HLA-DRB1: variants seen among roughly 807,000 people sequenced by gnomAD.
HLA-DRB1 encodes the protein major histocompatibility complex, class II, DR beta 1.
In HLA-DRB1, 10 loss-of-function variants were observed where a neutral mutation model predicts 27.9. The observed-to-expected ratio is 0.36, with a 90% CI of 0.22 to 0.61. HLA-DRB1 has a LOEUF of 0.61. Ranked by LOEUF, HLA-DRB1 falls within the 20% of genes least tolerant of loss-of-function variation. The pLI, the probability that HLA-DRB1 is intolerant of heterozygous loss-of-function variation, is 0.73. For missense variants in HLA-DRB1, 118 were observed against 306.3 expected (o/e 0.39, Z 4.59); for synonymous variants, 57 against 126.7 (o/e 0.45, Z 3.69).
rs28366196 is a variant in HLA-DRB1, at chr6:32,589,122, G to A, written c.100+521C>T. Among the ~76,000 whole-genome samples the A allele has an allele frequency of 3.2e-3, 405 of 126,226 alleles. No homozygotes were observed. In the East Asian group the frequency reaches 0.033, roughly 10 times the overall value. 82.8% of individuals were successfully genotyped at this position (126,226 alleles called of 152,430 possible). A position where few individuals can be genotyped will look rare whatever the true frequency, so the allele number is the denominator to read the frequency against. ...CAGGGATACAGGCCTTATAAACATT[G>A]GAGTTCAGCAAGAAAAGAAAGGAGA... On this transcript the variant is annotated intron_variant, in intron 1 of 5. Transcript: ENST00000360004.
intron 4 of HLA-DRB1, 104 bp from the exon 5 acceptor site, chr6:32,580,374 A>G: frequency 1.9e-6 from 1 of 536,374 alleles, no homozygotes; most frequent in Non-Finnish European, 3.3e-6. Context: ...TTTCTCTAAC[A>G]CCACAACCCA....
chr6:32,589,352 T>A (rs1581827204), intron 1 of HLA-DRB1, among the ~76,000 whole-genome samples: 2 of 145,896 alleles, frequency 1.4e-5, no homozygotes, highest in Non-Finnish European at 3.0e-5. Flanking sequence ...TATTTTAGAA[T>A]CCTTATTTCT....
At position 32,581,093 on chromosome 6, in the gene HLA-DRB1, C is replaced by A. The variant is rs34194375; in HGVS notation, c.653-237G>T. ...TAAGGCACAAGTTCAACATCTGATC[C>A]ACAGAAAGCCTGAGACTCAATGAGG... On this transcript the variant is annotated intron_variant, in intron 3 of 5. Transcript: ENST00000360004. Among the ~76,000 whole-genome samples the A allele has an allele frequency of 0.23, 17,713 of 76,462 alleles. 3,361 individuals are homozygous for A. The highest frequency in any genetic ancestry group is 0.23 in the Non-Finnish European group (8,327 of 35,574). 50.2% of individuals were successfully genotyped at this position (76,462 alleles called of 152,430 possible).
At chr6:32,581,902 G>GTC in intron 2 of HLA-DRB1, 64 bp from the exon 3 acceptor site, 1 of 807,278 alleles carries the variant, frequency 1.2e-6, no homozygotes, top group East Asian at 2.8e-5. Context: ...TGGTTTGGCT[G>GTC]TGTGTCTGCT....
intron 1 of HLA-DRB1, 50 bp downstream of exon 1, chr6:32,589,592 TC>T: frequency 1.8e-6 from 1 of 545,736 alleles, no homozygotes. Flanking sequence ...TTAACAAAAC[TC>T]CCTATTTTCC....
At chr6:32,582,864 AACT>A (rs150012197) in intron 2 of HLA-DRB1, among the ~76,000 whole-genome samples, 54,387 of 100,666 alleles carry the variant, frequency 0.54, 13,828 homozygotes, top group Middle Eastern at 0.64. Context: ...CAATAAATAC[AACT>A]ATTTTTTTAG....
Position 32,581,959 on chromosome 6 carries a change from T to C in HLA-DRB1, c.371-121A>G, listed in dbSNP as rs1775599386. On this transcript the variant is annotated intron_variant, in intron 2 of 5. Coordinates refer to ENST00000360004, the Ensembl canonical transcript of HLA-DRB1. The stretch of plus-strand genomic sequence containing the variant: ...GCCTTGACCAGGCCTATAGCACAGC[T>C]GGCCATGTGACCTTACAGTGTCATC... 2 of 591,864 alleles carry C rather than the reference T, an allele frequency of 3.4e-6. 1 individual carries two copies. Among genetic ancestry groups the C allele is most frequent in the Non-Finnish European group, 5.9e-6 (2 of 338,042 alleles). 36.7% of individuals were successfully genotyped at this position (591,864 alleles called of 1,614,324 possible). A position where few individuals can be genotyped will look rare whatever the true frequency, so the allele number is the denominator to read the frequency against.
intron 1 of HLA-DRB1, among the ~76,000 whole-genome samples, chr6:32,584,748 G>T (rs28724134): frequency 0.11 from 9,059 of 79,998 alleles, 2 homozygotes; most frequent in Admixed American, 0.18. Context: ...CGCTTTACCG[G>T]TACCTTCAAC....
intron 1 of HLA-DRB1, among the ~76,000 whole-genome samples, chr6:32,585,364 A>G (rs796081718): frequency 0.08 from 6,216 of 77,434 alleles, 100 homozygotes; most frequent in Middle Eastern, 0.095. Context: ...GAATAAAAAC[A>G]CGATCTCTTC....
At chr6:32,586,398 T>C (rs1179142014) in intron 1 of HLA-DRB1, among the ~76,000 whole-genome samples, 1 of 95,590 alleles carries the variant, frequency 1.0e-5, no homozygotes. Context: ...TGCTTCTCTA[T>C]CATATTCTCA....
At chr6:32,586,228 C>A (rs1375938223) in intron 1 of HLA-DRB1, among the ~76,000 whole-genome samples, 2 of 66,554 alleles carry the variant, frequency 3.0e-5, no homozygotes, top group Admixed American at 1.8e-4. Context: ...GTTCAGCTGG[C>A]TCCCTGAACC....
chr6:32,578,800 T>C lies in HLA-DRB1; in HGVS notation c.*291A>G, dbSNP rs1443489877. On this transcript the variant is annotated 3_prime_UTR_variant, in exon 6 of 6. Transcript: ENST00000360004. ...TCCATCTTTGAGAAACATTTAATAATGTAATGTGTTTGTCATACAGGGTGA... is the reference window on the plus strand; with the variant it reads ...TCCATCTTTGAGAAACATTTAATAACGTAATGTGTTTGTCATACAGGGTGA... The C allele has an allele frequency of 4.3e-5, 11 of 252,988 alleles. 3 individuals carry two copies. Among genetic ancestry groups the C allele is most frequent in the South Asian group, 1.3e-4 (2 of 15,822 alleles). 15.7% of individuals were successfully genotyped at this position (252,988 alleles called of 1,614,324 possible). A position where few individuals can be genotyped will look rare whatever the true frequency, so the allele number is the denominator to read the frequency against.
intron 1 of HLA-DRB1, among the ~76,000 whole-genome samples, chr6:32,587,574 A>C (rs9270148): frequency 0.66 from 39,205 of 59,602 alleles, 16,084 homozygotes; most frequent in Middle Eastern, 0.8. Flanking sequence ...CACATAATTT[A>C]ACACATCAGG....
At chr6:32,584,782 G>C in intron 1 of HLA-DRB1, among the ~76,000 whole-genome samples, 1 of 90,894 alleles carries the variant, frequency 1.1e-5, no homozygotes, top group Non-Finnish European at 2.2e-5. Context: ...TTCACCCTGT[G>C]AACACTTCCT....
rs187612288 is a variant in HLA-DRB1 at position 32,579,832 on chromosome 6, G to A, written c.787+415C>T. ...TAGAAACCTCTTGTAGGCCGGGCGC[G>A]GTGGCTCACGCCTGTAATCCCAGCA... is the stretch of plus-strand genomic sequence containing the variant. On this transcript the variant is annotated intron_variant, in intron 5 of 5. Coordinates refer to ENST00000360004, the Ensembl canonical transcript of HLA-DRB1. 4.9e-4 allele frequency among the ~76,000 whole-genome samples: 17 copies of A among 35,010 alleles called. 8 individuals carry two copies. The highest frequency in any genetic ancestry group is 1.0e-3 in the Non-Finnish European group (17 of 16,644). 23.0% of individuals were successfully genotyped at this position (35,010 alleles called of 152,430 possible).
chr6:32,587,781 A>T (rs9270161), intron 1 of HLA-DRB1, among the ~76,000 whole-genome samples: 25,150 of 111,126 alleles, frequency 0.23, 5,577 homozygotes, highest in Admixed American at 0.32. Context: ...CTCTAACATT[A>T]TCTTCTTTGT....
intron 1 of HLA-DRB1, 140 bp from the exon 2 acceptor site, chr6:32,584,518 G>T: frequency 1.6e-6 from 1 of 608,516 alleles, no homozygotes; most frequent in Non-Finnish European, 2.8e-6. Flanking sequence ...ACCACCTGCA[G>T]CCCAGGAGCT....
intron 2 of HLA-DRB1, among the ~76,000 whole-genome samples, chr6:32,582,232 CTA>C (rs1775644303): frequency 4.1e-5 from 6 of 145,626 alleles, no homozygotes; most frequent in African/African-American, 1.3e-4. Context: ...ACTTTGTCAC[CTA>C]CAATGAAGGA....
chr6:32,584,452 G>A (rs115462544), intron 1 of HLA-DRB1, 74 bp from the exon 2 acceptor site: 51,896 of 634,706 alleles, frequency 0.082, 5,615 homozygotes, highest in East Asian at 0.16. Context: ...ACCATCCGGG[G>A]CTCCCTGAGC....
Sources: allele counts gnomAD v4.1 joint callset (sites outside exome capture counted in the v4.1 genomes callset), GRCh38; gene constraint gnomAD v4.1.1; transcripts MANE v1.5; gene names NCBI Gene and HGNC (gene_info 2026-07-23, HGNC 2026-07-21).